FRMD4A: variants seen among roughly 807,000 people sequenced by gnomAD.
FRMD4A encodes the protein FERM domain-containing protein 4A.
A neutral mutation model predicts 129.1 loss-of-function variants in FRMD4A; 29 were observed. The observed-to-expected ratio is 0.22, with a 90% CI of 0.17 to 0.31. FRMD4A has a LOEUF of 0.31. Ranked by LOEUF, FRMD4A falls within the 10% of genes least tolerant of loss-of-function variation. The pLI, the probability that FRMD4A is intolerant of heterozygous loss-of-function variation, is 1.00. For missense variants in FRMD4A, 1,272 were observed against 1,375.8 expected (o/e 0.92, Z 1.19); for synonymous variants, 634 against 571.6 (o/e 1.11, Z -1.56).
At chr10:13,671,246 G>C (rs2083482776) in intron 16 of FRMD4A, among the ~76,000 whole-genome samples, 1 of 152,164 alleles carries the variant, frequency 6.6e-6, no homozygotes, top group African/African-American at 2.4e-5. Flanking sequence ...TTGAGATCAG[G>C]AGTCCGAGAC....
At chr10:13,828,365 G>A (rs772351309) in intron 3 of FRMD4A, among the ~76,000 whole-genome samples, 2 of 152,034 alleles carry the variant, frequency 1.3e-5, no homozygotes, top group Non-Finnish European at 2.9e-5. Context: ...CCACGTCCAC[G>A]TGTGCACTTT....
At chr10:14,297,971 T>C (rs1278099354) in intron 2 of FRMD4A, among the ~76,000 whole-genome samples, 1 of 152,178 alleles carries the variant, frequency 6.6e-6, no homozygotes, top group Non-Finnish European at 1.5e-5. Flanking sequence ...TTCTCAGCTG[T>C]TACACGAGGG....
At chr10:14,114,391 T>C (rs987062055) in intron 2 of FRMD4A, among the ~76,000 whole-genome samples, 1 of 152,230 alleles carries the variant, frequency 6.6e-6, no homozygotes, top group African/African-American at 2.4e-5. Flanking sequence ...AAAGGGCATA[T>C]ACCCATGCTC....
chr10:13,905,030 A>G (rs1471604481), intron 2 of FRMD4A, among the ~76,000 whole-genome samples: 1 of 151,316 alleles, frequency 6.6e-6, no homozygotes, highest in Non-Finnish European at 1.5e-5. Flanking sequence ...ACAGCATTTG[A>G]CCAGTGTTAA....
At chr10:14,143,605 TTTGTTGTTG>T (rs568244806) in intron 2 of FRMD4A, among the ~76,000 whole-genome samples, 17 of 152,086 alleles carry the variant, frequency 1.1e-4, no homozygotes, top group Middle Eastern at 3.2e-3. Flanking sequence ...ACAATAGTTT[TTTGTTGTTG>T]TTGTTGTTGT....
chr10:14,045,818 T>C (rs1289440514), intron 2 of FRMD4A, among the ~76,000 whole-genome samples: 1 of 146,102 alleles, frequency 6.8e-6, no homozygotes, highest in African/African-American at 2.5e-5. Flanking sequence ...AATAGATATG[T>C]ATTATATATA....
At chr10:13,917,080 C>A (rs975006633) in intron 2 of FRMD4A, among the ~76,000 whole-genome samples, 1 of 152,196 alleles carries the variant, frequency 6.6e-6, no homozygotes, top group African/African-American at 2.4e-5. Context: ...GGATGACATA[C>A]TTCCTGATAA....
intron 2 of FRMD4A, among the ~76,000 whole-genome samples, chr10:14,053,196 C>T (rs538591743): frequency 6.4e-4 from 98 of 152,296 alleles, no homozygotes; most frequent in African/African-American, 1.5e-3. Flanking sequence ...AGGTTAATAA[C>T]TGTGAGGAAA....
chr10:14,060,696 G>A (rs1415458312), intron 2 of FRMD4A, among the ~76,000 whole-genome samples: 1 of 152,132 alleles, frequency 6.6e-6, no homozygotes, highest in Non-Finnish European at 1.5e-5. Flanking sequence ...CCATATATGG[G>A]AATTTGGTGG....
At chr10:13,849,334 G>C (rs112205300) in intron 3 of FRMD4A, among the ~76,000 whole-genome samples, 1 of 152,144 alleles carries the variant, frequency 6.6e-6, no homozygotes, top group African/African-American at 2.4e-5. Flanking sequence ...AGCACGCCTC[G>C]GTAGATGGCC....
chr10:13,864,089 G>A (rs193100963), intron 2 of FRMD4A, among the ~76,000 whole-genome samples: 37 of 152,008 alleles, frequency 2.4e-4, no homozygotes, highest in African/African-American at 4.6e-4. Context: ...TCCACCTCCC[G>A]GGTTCAAGCG....
intron 2 of FRMD4A, among the ~76,000 whole-genome samples, chr10:14,237,022 A>AAAAAAAAAGG (rs1843846048): frequency 7.2e-6 from 1 of 138,120 alleles, no homozygotes; most frequent in African/African-American, 2.7e-5. Context: ...AAAAAAAAAA[A>AAAAAAAAAGG]TCGGTTTTTA....
At chr10:13,770,213 T>C (rs2092416648) in intron 6 of FRMD4A, among the ~76,000 whole-genome samples, 1 of 152,170 alleles carries the variant, frequency 6.6e-6, no homozygotes, top group African/African-American at 2.4e-5. Context: ...AGGATGAGAC[T>C]GATGCGATCT....
chr10:13,832,944 CA>C (rs2093813519), intron 3 of FRMD4A, among the ~76,000 whole-genome samples: 1 of 152,218 alleles, frequency 6.6e-6, no homozygotes, highest in Non-Finnish European at 1.5e-5. Context: ...TAGGAATGAG[CA>C]TCTGGAAAGA....
In FRMD4A at chr10:13,730,820, CCTGA is replaced by C. The variant is rs2090265881; in HGVS notation, c.759+7020_759+7023del. On this transcript the variant is annotated intron_variant, in intron 12 of 24. Transcript: ENST00000357447. ...TTTGAGGTCAGGAGTCTGAGACCAG[CCTGA>C]CTAACATGGTGAAACCCAGTCTCTA... is the stretch of plus-strand genomic sequence containing the variant. 2.9e-5 allele frequency among the ~76,000 whole-genome samples: 4 copies of C among 139,878 alleles called. No homozygotes were observed. The Admixed American group carries it at 3.1e-4, about 11-fold the overall frequency. 91.8% of individuals were successfully genotyped at this position (139,878 alleles called of 152,430 possible).
At chr10:14,006,060 C>T (rs145487449) in intron 2 of FRMD4A, among the ~76,000 whole-genome samples, 399 of 152,306 alleles carry the variant, frequency 2.6e-3, no homozygotes, top group Admixed American at 4.0e-3. Flanking sequence ...TTTGCCCTTA[C>T]CTCTCCTCCT....
chr10:13,754,567 CGTGTGT>C (rs56304219), intron 8 of FRMD4A, among the ~76,000 whole-genome samples: 2,912 of 147,694 alleles, frequency 0.02, 60 homozygotes, highest in African/African-American at 0.048. Context: ...ACAATTCTTT[CGTGTGT>C]GTGTGTGTGT....
At chr10:13,798,464 C>A (rs921240633) in intron 4 of FRMD4A, among the ~76,000 whole-genome samples, 6 of 152,152 alleles carry the variant, frequency 3.9e-5, no homozygotes, top group Non-Finnish European at 5.9e-5. Flanking sequence ...CGCCTGTAAT[C>A]CCCACACTTT....
chr10:14,242,518 G>C (rs1844083940), intron 2 of FRMD4A, among the ~76,000 whole-genome samples: 1 of 152,182 alleles, frequency 6.6e-6, no homozygotes, highest in Admixed American at 6.5e-5. Flanking sequence ...AATGACAAAA[G>C]TCCAATAAAG....
Sources: gnomAD v4.1 joint callset for allele counts (sites outside exome capture counted in the v4.1 genomes callset) on GRCh38, gnomAD v4.1.1 for gene constraint, MANE v1.5 for transcripts, NCBI Gene and HGNC (gene_info 2026-07-23, HGNC 2026-07-21) for gene names.